The following ATP10D variants were observed in gnomAD, a reference collection of about 807,000 sequenced individuals.
ATP10D encodes the protein phospholipid-transporting ATPase VD.
In ATP10D, 89 loss-of-function variants were observed where a neutral mutation model predicts 144.8. The observed-to-expected ratio is 0.61, with a 90% CI of 0.52 to 0.73. ATP10D has a LOEUF of 0.73. Ranked by LOEUF, ATP10D falls within the 30% of genes least tolerant of loss-of-function variation. ATP10D has a pLI of 0.00. For missense variants in ATP10D, 1,603 were observed against 1,714.8 expected (o/e 0.93, Z 1.15); for synonymous variants, 571 against 615.1 (o/e 0.93, Z 1.06).
At position 47,558,073 on chromosome 4, in the gene ATP10D, G is replaced by A. The variant is rs1162198061; in HGVS notation, c.2234G>A (p.Arg745Gln). Reference sequence around the variant, plus strand: ...GCCAGGGCTTACCAATGCACTTTACGGTCTCGGACACCAGAGCAGGTCATG... The same window carrying A: ...GCCAGGGCTTACCAATGCACTTTACAGTCTCGGACACCAGAGCAGGTCATG... ...YAARAYQCTL[R>Q]SRTPEQVMVD... is the part of the protein sequence containing the mutation. The change falls in exon 12 of 23, where the codon CGG becomes CAG. Residue 745 changes from arginine to glutamine, a missense_variant. Physicochemically the swap from Arg to Gln is conservative, Grantham distance 43 (BLOSUM62 1). Coordinates refer to ENST00000273859, the MANE Select transcript of ATP10D (RefSeq NM_020453.4). 6.2e-6 allele frequency: 10 copies of A among 1,614,072 alleles called. No individual in the cohort carries two copies. In the East Asian group the frequency reaches 6.7e-5, roughly 11 times the overall value.
chr4:47,502,998 T>G (rs1452678942), intron 1 of ATP10D, among the ~76,000 whole-genome samples: 1 of 152,184 alleles, frequency 6.6e-6, no homozygotes, highest in East Asian at 1.9e-4. Context: ...GGTCAGGAGT[T>G]TGAGACCAGC....
At chr4:47,554,960 A>AAT (rs1489486641) in intron 11 of ATP10D, 46 bp downstream of exon 11, 1 of 1,545,074 alleles carries the variant, frequency 6.5e-7, no homozygotes, top group Admixed American at 1.7e-5. Flanking sequence ...TCCAGAAGAG[A>AAT]ATTTTGGGTT....
At chr4:47,555,598 T>C (rs1160599690) in intron 11 of ATP10D, among the ~76,000 whole-genome samples, 1 of 152,166 alleles carries the variant, frequency 6.6e-6, no homozygotes, top group African/African-American at 2.4e-5. Context: ...ATTATTTGCC[T>C]CTAAGAGGGT....
intron 5 of ATP10D, among the ~76,000 whole-genome samples, chr4:47,530,539 C>T (rs1262260089): frequency 1.3e-5 from 2 of 152,124 alleles, no homozygotes; most frequent in East Asian, 1.9e-4. Flanking sequence ...TCACTGCAAC[C>T]TCCACCTCCT....
Position 47,561,147 on chromosome 4 carries a change from A to G in ATP10D, c.2668+72A>G, listed in dbSNP as rs1577685722. 2.6e-6 allele frequency: 4 copies of G among 1,559,100 alleles called. No homozygotes were observed. The East Asian group carries it at 9.0e-5, about 35-fold the overall frequency. Reference sequence around the variant, plus strand: ...CACTGGATATCTTTGAATAAGGGTTATTTTCTTCCATTGTTATCTAATAAA... The same window carrying G: ...CACTGGATATCTTTGAATAAGGGTTGTTTTCTTCCATTGTTATCTAATAAA... On this transcript the variant is annotated intron_variant, in intron 14 of 22. Transcript: ENST00000273859.
chr4:47,584,454 A>G (rs1720684451), intron 21 of ATP10D, among the ~76,000 whole-genome samples: 1 of 152,012 alleles, frequency 6.6e-6, no homozygotes, highest in Admixed American at 6.6e-5. Flanking sequence ...GTGCAGTGGC[A>G]CTATCTCTGC....
At chr4:47,521,900 A>G (rs1716962086) in intron 3 of ATP10D, among the ~76,000 whole-genome samples, 1 of 152,212 alleles carries the variant, frequency 6.6e-6, no homozygotes. Context: ...ATGTCCTGAA[A>G]ATGTACTTCT....
intron 5 of ATP10D, among the ~76,000 whole-genome samples, chr4:47,532,319 G>A (rs369049520): frequency 2.0e-5 from 3 of 152,134 alleles, no homozygotes; most frequent in African/African-American, 7.2e-5. Context: ...CTAGGTTTCT[G>A]GGCAACATGT....
intron 2 of ATP10D, among the ~76,000 whole-genome samples, chr4:47,513,720 T>C (rs753113585): frequency 5.9e-5 from 9 of 152,184 alleles, no homozygotes; most frequent in African/African-American, 1.9e-4. Context: ...GTCAGAAAGA[T>C]AGATGTGACC....
Position 47,536,482 on chromosome 4 carries a change from A to C in ATP10D, c.1061A>C (p.Asn354Thr), listed in dbSNP as rs375885788. 11 of 1,613,528 alleles carry C rather than the reference A, an allele frequency of 6.8e-6. No individual in the cohort carries two copies. In the South Asian group the frequency reaches 1.2e-4, roughly 18 times the overall value. The change falls in exon 8 of 23, where the codon AAT becomes ACT. Residue 354 changes from asparagine to threonine, a missense_variant. Asn to Thr is a moderately conservative substitution (Grantham distance 65, BLOSUM62 0). Coordinates refer to ENST00000273859, the MANE Select transcript of ATP10D (RefSeq NM_020453.4). ...LSRYEKMHFF[N>T]VPEPDGHIIS... ...AGGTATGAAAAGATGCATTTTTTCAATGTTCCCGAGCCTGATGGACATATC... is the reference window on the plus strand; with the variant it reads ...AGGTATGAAAAGATGCATTTTTTCACTGTTCCCGAGCCTGATGGACATATC...
chr4:47,492,342 G>A (rs1715124063), intron 1 of ATP10D, among the ~76,000 whole-genome samples: 1 of 152,174 alleles, frequency 6.6e-6, no homozygotes, highest in Non-Finnish European at 1.5e-5. Context: ...TTGCAGTTTT[G>A]AAAATAGCTA....
intron 10 of ATP10D, among the ~76,000 whole-genome samples, chr4:47,547,856 C>G (rs1330669539): frequency 6.6e-6 from 1 of 152,064 alleles, no homozygotes; most frequent in African/African-American, 2.4e-5. Context: ...CATTTTAGTC[C>G]AGCTCATTTC....
intron 5 of ATP10D, among the ~76,000 whole-genome samples, 172 bp downstream of exon 5, chr4:47,525,814 T>TAC (rs1216253254): frequency 2.0e-5 from 3 of 152,248 alleles, no homozygotes; most frequent in Non-Finnish European, 2.9e-5. Context: ...TAAGTATTTA[T>TAC]ACACACACAC....
intron 21 of ATP10D, among the ~76,000 whole-genome samples, chr4:47,583,741 C>T (rs953937231): frequency 2.2e-4 from 33 of 151,688 alleles, no homozygotes; most frequent in Non-Finnish European, 4.6e-4. Context: ...TGAGCAATAT[C>T]ATCTGAATAA....
Position 47,488,248 on chromosome 4 carries a change from T to TA in ATP10D, c.-38+2735dup, listed in dbSNP as rs1175032585. Among the ~76,000 whole-genome samples, 5 of 152,084 alleles carry TA rather than the reference T, an allele frequency of 3.3e-5. No homozygotes were observed. The East Asian group carries it at 9.6e-4, about 29-fold the overall frequency. ...GGAAATATACTTGCAATGTATTCTGTAAAAAAGTGAAATTTAATATATTAT... is the reference window on the plus strand; with the variant it reads ...GGAAATATACTTGCAATGTATTCTGTAAAAAAAGTGAAATTTAATATATTAT... On this transcript the variant is annotated intron_variant, in intron 1 of 22. Coordinates refer to ENST00000273859, the MANE Select transcript of ATP10D (RefSeq NM_020453.4).
rs372267233 is a variant in ATP10D at position 47,575,600 on chromosome 4, C to G, written c.3367-1173C>G. ...GTGCTGTGCCTACTCCATGTCTGTG[C>G]CAGGCACTGGGCTAGATTCTCTTCA... On this transcript the variant is annotated intron_variant, in intron 18 of 22. Coordinates refer to ENST00000273859, the MANE Select transcript of ATP10D (RefSeq NM_020453.4). 9.5e-4 allele frequency among the ~76,000 whole-genome samples: 144 copies of G among 152,268 alleles called. 1 individual carries two copies. Among genetic ancestry groups the G allele is most frequent in the African/African-American group, 3.3e-3 (136 of 41,544 alleles).
At chr4:47,488,876 C>T (rs1714920319) in intron 1 of ATP10D, among the ~76,000 whole-genome samples, 1 of 152,134 alleles carries the variant, frequency 6.6e-6, no homozygotes, top group Non-Finnish European at 1.5e-5. Flanking sequence ...GCTGCCTTGC[C>T]CCTTCCACCA....
chr4:47,524,519 A>G (rs1009286699), intron 4 of ATP10D, among the ~76,000 whole-genome samples: 1 of 152,230 alleles, frequency 6.6e-6, no homozygotes, highest in African/African-American at 2.4e-5. Context: ...AGTATTAATC[A>G]GCAATTAATA....
intron 2 of ATP10D, among the ~76,000 whole-genome samples, chr4:47,514,285 T>C (rs1208415202): frequency 1.3e-5 from 2 of 152,206 alleles, no homozygotes; most frequent in South Asian, 2.1e-4. Context: ...GCCCTATGTG[T>C]GTTTCATTCT....
Sources: allele counts gnomAD v4.1 joint callset (sites outside exome capture counted in the v4.1 genomes callset), GRCh38; gene constraint gnomAD v4.1.1; transcripts MANE v1.5; gene names NCBI Gene and HGNC (gene_info 2026-07-23, HGNC 2026-07-21).